XIRP2: variants seen among roughly 807,000 people sequenced by gnomAD.
XIRP2 encodes the protein xin actin binding repeat containing 2.
A neutral mutation model predicts 277.0 loss-of-function variants in XIRP2; 236 were observed. That is an observed-to-expected ratio of 0.85 (90% confidence interval 0.77 to 0.95). The LOEUF (loss-of-function observed/expected upper bound fraction) is 0.95. Ranked by LOEUF, XIRP2 falls within the 40% of genes least tolerant of loss-of-function variation. The pLI, the probability that XIRP2 is intolerant of heterozygous loss-of-function variation, is 0.00. For synonymous variants in XIRP2, 1,490 were observed against 1,416.5 expected (o/e 1.05, Z -1.17); for missense variants, 4,640 against 4,157.5 (o/e 1.12, Z -3.19).
At chr2:167,253,974 T>A (rs1478448908) in intron 9 of XIRP2, 58 bp from the exon 10 acceptor site, 1 of 1,512,180 alleles carries the variant, frequency 6.6e-7, no homozygotes, top group Non-Finnish European at 8.8e-7. Flanking sequence ...TTTTGTTATG[T>A]TTTTACAATA....
chr2:167,215,865 C>T (rs1204056091), intron 4 of XIRP2, among the ~76,000 whole-genome samples: 3 of 152,162 alleles, frequency 2.0e-5, no homozygotes, highest in Admixed American at 1.3e-4. Context: ...CTGCACTTCC[C>T]GAAGGGGCAT....
At chr2:167,120,523 T>C (rs1187146825) in intron 2 of XIRP2, among the ~76,000 whole-genome samples, 1 of 152,184 alleles carries the variant, frequency 6.6e-6, no homozygotes, top group African/African-American at 2.4e-5. Flanking sequence ...ATCACTATGG[T>C]ATGTCTGAAT....
intron 5 of XIRP2, among the ~76,000 whole-genome samples, chr2:167,225,624 A>T (rs1174104600): frequency 6.6e-6 from 1 of 152,152 alleles, no homozygotes; most frequent in Non-Finnish European, 1.5e-5. Context: ...ATACTCATGA[A>T]CCTTCCACAG....
intron 3 of XIRP2, among the ~76,000 whole-genome samples, chr2:167,208,881 A>G (rs779746206): frequency 8.5e-5 from 13 of 152,218 alleles, no homozygotes; most frequent in Non-Finnish European, 1.6e-4. Flanking sequence ...AATCTATATG[A>G]CATTCATTCA....
rs980203807 is a variant in XIRP2, at chr2:167,257,872, A to G, written c.*55A>G. 6.3e-7 allele frequency: 1 copy of G among 1,589,590 alleles called. No individual in the cohort carries two copies. The highest frequency in any genetic ancestry group is 1.4e-5 in the African/African-American group (1 of 73,252). On this transcript the variant is annotated 3_prime_UTR_variant, in exon 11 of 11. Transcript: ENST00000409195. Reference sequence around the variant, plus strand: ...TTTTTGGCAGTTTGGGAAATTATGCATCACTTCATGGACAAATATACTGTA... The same window carrying G: ...TTTTTGGCAGTTTGGGAAATTATGCGTCACTTCATGGACAAATATACTGTA...
intron 5 of XIRP2, among the ~76,000 whole-genome samples, chr2:167,228,494 C>T (rs959920633): frequency 6.6e-6 from 1 of 152,100 alleles, no homozygotes; most frequent in African/African-American, 2.4e-5. Flanking sequence ...TTGCAGAACA[C>T]CTTCTTGGGG....
At chr2:166,913,301 A>T (rs951805980) in intron 2 of XIRP2, among the ~76,000 whole-genome samples, 1 of 111,932 alleles carries the variant, frequency 8.9e-6, no homozygotes, top group African/African-American at 3.0e-5. Flanking sequence ...AGCCTCAGCA[A>T]TGGTGGGCAC....
At chr2:167,227,121 T>C (rs1247483770) in intron 5 of XIRP2, among the ~76,000 whole-genome samples, 2 of 152,156 alleles carry the variant, frequency 1.3e-5, no homozygotes, top group South Asian at 4.1e-4. Flanking sequence ...CCTTCTTGAT[T>C]TCTGATCTGA....
intron 2 of XIRP2, among the ~76,000 whole-genome samples, chr2:166,931,584 T>A (rs1043672191): frequency 6.6e-6 from 1 of 152,230 alleles, no homozygotes; most frequent in Non-Finnish European, 1.5e-5. Context: ...TCCATGTTAC[T>A]GTGTATAAAA....
intron 2 of XIRP2, among the ~76,000 whole-genome samples, chr2:166,997,765 C>T (rs1168123271): frequency 6.6e-6 from 1 of 151,962 alleles, no homozygotes; most frequent in Non-Finnish European, 1.5e-5. Flanking sequence ...ATTAGCCAAG[C>T]ATGGTGGCGG....
chr2:167,014,424 A>G (rs1454937485), intron 2 of XIRP2, among the ~76,000 whole-genome samples: 2 of 151,946 alleles, frequency 1.3e-5, no homozygotes, highest in East Asian at 1.9e-4. Flanking sequence ...ACAAAAGAAT[A>G]CAATTCGATA....
intron 2 of XIRP2, among the ~76,000 whole-genome samples, chr2:166,948,414 C>T (rs1685939177): frequency 6.6e-6 from 1 of 152,016 alleles, no homozygotes; most frequent in Non-Finnish European, 1.5e-5. Flanking sequence ...TATGTGGTAG[C>T]TGGACGTTAT....
chr2:167,053,622 G>A (rs1401487719), intron 2 of XIRP2, among the ~76,000 whole-genome samples: 2 of 152,040 alleles, frequency 1.3e-5, no homozygotes, highest in Non-Finnish European at 2.9e-5. Flanking sequence ...ATGCAATGTA[G>A]TAAAAAAGTT....
chr2:167,136,380 G>A (rs1027493777), intron 3 of XIRP2, among the ~76,000 whole-genome samples: 2 of 151,880 alleles, frequency 1.3e-5, no homozygotes, highest in African/African-American at 4.8e-5. Flanking sequence ...GAAAATAAAA[G>A]GAAAACATAC....
At chr2:167,085,591 G>C (rs1240736460) in intron 2 of XIRP2, among the ~76,000 whole-genome samples, 1 of 152,034 alleles carries the variant, frequency 6.6e-6, no homozygotes, top group Non-Finnish European at 1.5e-5. Context: ...TCTCTTTGTA[G>C]GTCACTCAGG....
At chr2:167,036,900 CA>C (rs1473796693) in intron 2 of XIRP2, among the ~76,000 whole-genome samples, 17 of 152,250 alleles carry the variant, frequency 1.1e-4, no homozygotes, top group Middle Eastern at 3.4e-3. Flanking sequence ...ATGGGTTTAT[CA>C]GGGGTTTCCA....
At position 167,246,208 on chromosome 2, in the gene XIRP2, A is replaced by T. The variant is rs764827096; in HGVS notation, c.4816A>T (p.Arg1606Ter). 6.2e-7 allele frequency: 1 copy of T among 1,613,164 alleles called. No individual in the cohort carries two copies. The highest frequency in any genetic ancestry group is 1.7e-5 in the Admixed American group (1 of 59,870). Residue 1606 changes from arginine (R) to a stop codon, truncating the protein, a stop_gained, in exon 9 of 11, where the codon AGA becomes TGA. Transcript: ENST00000409195. LOFTEE classifies it high-confidence loss of function. ...QKEEIIRADL[R>*]NIMVNLLSKR... is the part of the protein sequence containing the mutation. ...AGAAGAAATTATCAGGGCTGATCTCAGAAATATAATGGTGAACCTACTTTC... is the reference window on the plus strand; with the variant it reads ...AGAAGAAATTATCAGGGCTGATCTCTGAAATATAATGGTGAACCTACTTTC...
At position 166,955,463 on chromosome 2, in the gene XIRP2, G is replaced by C. The variant is rs185316331; in HGVS notation, c.408+51573G>C. Reference sequence around the variant, plus strand: ...CAGTAAATAAATATGAAGGATTGAGGGGGGTGAGGGAAATGTTCTTAAAAC... The same window carrying C: ...CAGTAAATAAATATGAAGGATTGAGCGGGGTGAGGGAAATGTTCTTAAAAC... On this transcript the variant is annotated intron_variant, in intron 2 of 10. Coordinates refer to ENST00000409195, the MANE Select transcript of XIRP2 (RefSeq NM_152381.6). Among the ~76,000 whole-genome samples, 4 of 151,778 alleles carry C rather than the reference G, an allele frequency of 2.6e-5. No individual in the cohort carries two copies. In the East Asian group the frequency reaches 7.8e-4, roughly 30 times the overall value.
chr2:167,064,161 AT>A, intron 2 of XIRP2, among the ~76,000 whole-genome samples: 1 of 151,832 alleles, frequency 6.6e-6, no homozygotes. Flanking sequence ...ATATTTTAAT[AT>A]TCATATGCAT....
Sources: gnomAD v4.1 joint callset for allele counts (sites outside exome capture counted in the v4.1 genomes callset) on GRCh38, gnomAD v4.1.1 for gene constraint, MANE v1.5 for transcripts, NCBI Gene and HGNC (gene_info 2026-07-23, HGNC 2026-07-21) for gene names.